PHF8: variants seen among roughly 807,000 people sequenced by gnomAD.
PHF8 encodes the protein PHD finger protein 8, also known as histone lysine demethylase PHF8.
Under a neutral mutation model 74.4 loss-of-function variants are expected in PHF8, and 9 were observed. The ratio of observed to expected loss-of-function variants is 0.12; its 90% CI spans 0.07 to 0.21. The LOEUF (loss-of-function observed/expected upper bound fraction) is 0.21. PHF8 is among the 10% of genes least tolerant of loss of function. The pLI is 1.00. For missense variants in PHF8, 478 were observed against 816.6 expected (o/e 0.59, Z 5.05); for synonymous variants, 311 against 316.6 (o/e 0.98, Z 0.19).
upstream of PHF8, chrX:54,045,011 C>G (rs2066621164): frequency 7.7e-6 from 5 of 646,928 alleles, no homozygotes; most frequent in South Asian, 5.2e-5. Context: ...AGCCAAGTGA[C>G]TTGAGTCCCG....
chrX:54,027,984 C>CCA (rs782177087), intron 2 of PHF8, among the ~76,000 whole-genome samples: 4,796 of 96,373 alleles, frequency 0.05, 142 homozygotes, highest in African/African-American at 0.094. Context: ...ACTATACACA[C>CCA]CACACACACA....
intron 20 of PHF8, chrX:53,943,220 C>A: frequency 2.1e-6 from 2 of 947,855 alleles, no homozygotes; most frequent in South Asian, 7.6e-5. Flanking sequence ...AAGTTCTGGT[C>A]AAAGAAGATT....
intron 4 of PHF8, among the ~76,000 whole-genome samples, chrX:54,021,596 G>C (rs1246967569): frequency 9.7e-6 from 1 of 103,302 alleles, no homozygotes; most frequent in Non-Finnish European, 2.0e-5. Context: ...AGCCTCCCGA[G>C]TAGCTGGGAC....
Position 54,005,822 on chromosome X carries a change from G to GA in PHF8, c.947-3141dup, listed in dbSNP as rs201044099. On this transcript the variant is annotated intron_variant, in intron 8 of 21. Coordinates refer to ENST00000338154, the MANE Select transcript of PHF8 (RefSeq NM_015107.3). ...AGAAAAATATCCTTCAGGAATGAAA[G>GA]AAAAAAAAAATCAAGACATTTACTG... Among the ~76,000 whole-genome samples, 298 of 105,454 alleles carry GA rather than the reference G, an allele frequency of 2.8e-3. 2 individuals carry two copies. The highest frequency in any genetic ancestry group is 4.2e-3 in the Non-Finnish European group (216 of 50,951). 91.6% of individuals were successfully genotyped at this position (105,454 alleles called of 115,157 possible).
intron 19 of PHF8, among the ~76,000 whole-genome samples, chrX:53,961,349 C>T (rs1471604424): frequency 4.9e-5 from 5 of 103,091 alleles, no homozygotes; most frequent in Non-Finnish European, 7.9e-5. Flanking sequence ...TTCCCCGAGA[C>T]GGAGTTTCCC....
intron 2 of PHF8, among the ~76,000 whole-genome samples, chrX:54,038,178 T>C: frequency 8.9e-6 from 1 of 112,356 alleles, no homozygotes; most frequent in Non-Finnish European, 1.9e-5. Context: ...TATAGACTGC[T>C]GAGTCCAAGT....
chrX:53,999,672 T>C (rs1402501659), intron 11 of PHF8, 198 bp downstream of exon 11: 3 of 416,291 alleles, frequency 7.2e-6, no homozygotes, highest in Non-Finnish European at 1.3e-5. Flanking sequence ...AATTCTCTAG[T>C]GTGATGTTGT....
rs782614873 is a variant in PHF8 at position 53,992,791 on chromosome X, C to T, written c.1675G>A (p.Asp559Asn). 4.2e-6 allele frequency: 5 copies of T among 1,203,778 alleles called. No homozygotes were observed. In the African/African-American group the frequency reaches 8.8e-5, roughly 21 times the overall value. Residue 559 changes from aspartate (D) to asparagine (N), a missense_variant, in exon 14 of 22, where the codon GAC (aspartate) becomes AAC (asparagine). By Grantham distance (23) the Asp-to-Asn change is conservative. Transcript: ENST00000338154. ...CTCTCATTTCCATCAAGGTCCAAGTCTGGTGAGTCGTCATCTGAGTCATTC... is the reference window on the plus strand; with the variant it reads ...CTCTCATTTCCATCAAGGTCCAAGTTTGGTGAGTCGTCATCTGAGTCATTC... ...CLNDSDDDSP[D>N]LDLDGNESPL...
At chrX:53,984,826 T>C in intron 18 of PHF8, 88 bp downstream of exon 18, 2 of 748,599 alleles carry the variant, frequency 2.7e-6, no homozygotes, top group Non-Finnish European at 4.2e-6. Context: ...CTTTGTTCAC[T>C]ACAAGCTGTC....
At chrX:54,013,616 G>A (rs1311979035) in intron 7 of PHF8, among the ~76,000 whole-genome samples, 4 of 110,593 alleles carry the variant, frequency 3.6e-5, no homozygotes, top group Non-Finnish European at 5.7e-5. Flanking sequence ...TCAGGCGTTC[G>A]AGACCAGCCT....
intron 1 of PHF8, 82 bp from the exon 2 acceptor site, chrX:54,042,902 A>T (rs2066586583): frequency 8.4e-6 from 6 of 711,461 alleles, no homozygotes; most frequent in Non-Finnish European, 9.8e-6. Flanking sequence ...TCTCCAATAG[A>T]GTTACCGCCG....
chrX:54,003,486 G>A (rs781983457), intron 8 of PHF8, among the ~76,000 whole-genome samples: 4 of 111,116 alleles, frequency 3.6e-5, no homozygotes, highest in African/African-American at 6.5e-5. Context: ...GCGAAACCCC[G>A]TCTCTACTAA....
rs781919600 is a variant in PHF8, at chrX:53,985,902, C to A, written c.2043G>T (p.Lys681Asn). Residue 681 changes from lysine (K) to asparagine (N), a missense_variant, in exon 17 of 22, where the codon AAG becomes AAT. By Grantham distance (94) the Lys-to-Asn change is moderately conservative (BLOSUM62 0). Around this residue, in one of 9 missense-constraint regions of PHF8, gnomAD observed 45 missense variants for 94.4 expected, o/e 0.48. Transcript: ENST00000338154. The stretch of plus-strand genomic sequence containing the variant: ...CACCAGCGCCACTACCATTCCCAAG[C>A]TTGCCTTCAACCCCTTCCACCATGT... The part of the protein sequence containing the change: ...DEDMVEGVEG[K>N]LGNGSGAGGI... The A allele has an allele frequency of 1.7e-6, 2 of 1,207,042 alleles. No individual in the cohort carries two copies. The highest frequency in any genetic ancestry group is 3.5e-5 in the African/African-American group (2 of 56,935).
intron 10 of PHF8, among the ~76,000 whole-genome samples, chrX:54,001,339 GA>G (rs1297140231): frequency 7.1e-4 from 70 of 99,135 alleles, no homozygotes; most frequent in Admixed American, 1.4e-3. Flanking sequence ...AAAAGAAAAA[GA>G]AAAAAAAAAA....
chrX:54,015,675 C>T (rs1293111926), intron 6 of PHF8, among the ~76,000 whole-genome samples: 1 of 108,676 alleles, frequency 9.2e-6, no homozygotes, highest in Non-Finnish European at 1.9e-5. Context: ...AAAGAGTACA[C>T]AGGACCTCCC....
intron 7 of PHF8, among the ~76,000 whole-genome samples, chrX:54,012,653 T>C (rs1557107025): frequency 9.0e-6 from 1 of 110,623 alleles, no homozygotes; most frequent in African/African-American, 3.3e-5. Context: ...AGTAAAAAAA[T>C]TGTCTGGACA....
intron 19 of PHF8, among the ~76,000 whole-genome samples, chrX:53,960,339 T>C (rs1033327185): frequency 4.1e-4 from 45 of 108,776 alleles, no homozygotes; most frequent in African/African-American, 1.5e-3. Flanking sequence ...CCTCCCAAAG[T>C]GCTGGGATTA....
chrX:53,958,591 C>G (rs1248871619), intron 19 of PHF8, among the ~76,000 whole-genome samples: 1 of 104,215 alleles, frequency 9.6e-6, no homozygotes, highest in African/African-American at 3.5e-5. Flanking sequence ...ACCATCCTGG[C>G]TAACACGGTG....
At chrX:54,018,808 G>C (rs781901515) in intron 4 of PHF8, among the ~76,000 whole-genome samples, 1 of 110,529 alleles carries the variant, frequency 9.0e-6, no homozygotes, top group South Asian at 3.8e-4. Flanking sequence ...TTAGTAGATA[G>C]GGGATTTCTA....
Sources: allele counts gnomAD v4.1 joint callset (sites outside exome capture counted in the v4.1 genomes callset), GRCh38; gene constraint gnomAD v4.1.1; regional missense constraint gnomAD v4.1.1; transcripts MANE v1.5; gene names NCBI Gene and HGNC (gene_info 2026-07-23, HGNC 2026-07-21).